Variants in KAZN observed in about 807,000 individuals in gnomAD.
KAZN encodes kazrin, periplakin interacting protein.
In KAZN, 40 loss-of-function variants were observed where a neutral mutation model predicts 87.4. That is an observed-to-expected ratio of 0.46 (90% confidence interval 0.36 to 0.60). KAZN has a LOEUF of 0.60. KAZN is among the 20% of genes least tolerant of loss of function. KAZN has a pLI of 0.00. For missense variants in KAZN, 898 were observed against 1,073.9 expected (o/e 0.84, Z 2.29); for synonymous variants, 466 against 458.3 (o/e 1.02, Z -0.22).
chr1:14,951,698 G>A (rs1474177179), intron 1 of KAZN, among the ~76,000 whole-genome samples: 1 of 151,878 alleles, frequency 6.6e-6, no homozygotes, highest in Non-Finnish European at 1.5e-5. Flanking sequence ...GGCTGACCTC[G>A]AACTCCTGAC....
At chr1:14,931,886 A>G (rs1400260093) in intron 1 of KAZN, among the ~76,000 whole-genome samples, 1 of 151,988 alleles carries the variant, frequency 6.6e-6, no homozygotes, top group Non-Finnish European at 1.5e-5. Context: ...TCTAAGTTAA[A>G]TCTCGCTTTT....
intron 2 of KAZN, among the ~76,000 whole-genome samples, chr1:14,984,579 A>G (rs577541453): frequency 2.6e-5 from 4 of 152,178 alleles, no homozygotes; most frequent in Admixed American, 1.3e-4. Context: ...GCAAGAAGCC[A>G]TGTCCCCCTG....
At chr1:14,848,104 G>A (rs1316486993) in intron 1 of KAZN, among the ~76,000 whole-genome samples, 1 of 152,200 alleles carries the variant, frequency 6.6e-6, no homozygotes, top group African/African-American at 2.4e-5. Context: ...CAAGGGAGCG[G>A]CTCCCCACCT....
chr1:14,058,911 A>G (rs1204094309), intron 1 of KAZN, among the ~76,000 whole-genome samples: 1 of 152,216 alleles, frequency 6.6e-6, no homozygotes. Flanking sequence ...AGGTTTTGGC[A>G]TATTCAAAGA....
chr1:13,896,613 A>G (rs1214431354), intron 1 of KAZN, among the ~76,000 whole-genome samples: 2 of 152,074 alleles, frequency 1.3e-5, no homozygotes, highest in Non-Finnish European at 2.9e-5. Context: ...TAAAAATCCT[A>G]CCCAATTTCC....
At chr1:14,164,741 T>C (rs1020309140) in intron 1 of KAZN, among the ~76,000 whole-genome samples, 11 of 152,014 alleles carry the variant, frequency 7.2e-5, no homozygotes, top group African/African-American at 2.7e-4. Flanking sequence ...GGTTTCTCCA[T>C]GTTGGTCAGG....
intron 1 of KAZN, among the ~76,000 whole-genome samples, chr1:13,989,682 G>A (rs1461482251): frequency 6.6e-6 from 1 of 152,126 alleles, no homozygotes; most frequent in Non-Finnish European, 1.5e-5. Flanking sequence ...GTACTAGCGG[G>A]AGCTTACATT....
At chr1:14,366,194 A>G (rs1557666312) in intron 2 of KAZN, among the ~76,000 whole-genome samples, 1 of 152,340 alleles carries the variant, frequency 6.6e-6, no homozygotes, top group South Asian at 2.1e-4. Context: ...GATATTCATA[A>G]AAGTCTGTGG....
chr1:14,533,908 T>C (rs1376945016), intron 2 of KAZN, among the ~76,000 whole-genome samples: 20 of 152,210 alleles, frequency 1.3e-4, no homozygotes, highest in Non-Finnish European at 1.5e-5. Flanking sequence ...TCTGAGGGAT[T>C]ATTATCCAAA....
At chr1:14,132,617 G>A (rs192386295) in intron 1 of KAZN, among the ~76,000 whole-genome samples, 1 of 152,342 alleles carries the variant, frequency 6.6e-6, no homozygotes, top group East Asian at 1.9e-4. Flanking sequence ...AAGAATGCAT[G>A]CTGGAGAGCA....
chr1:14,045,974 A>G (rs1197302064), intron 1 of KAZN, among the ~76,000 whole-genome samples: 1 of 152,206 alleles, frequency 6.6e-6, no homozygotes, highest in Non-Finnish European at 1.5e-5. Flanking sequence ...TACAATTGAA[A>G]GAGAGCTTGG....
At chr1:14,675,354 C>T (rs752000666) in intron 1 of KAZN, among the ~76,000 whole-genome samples, 20 of 152,230 alleles carry the variant, frequency 1.3e-4, no homozygotes, top group Non-Finnish European at 2.9e-4. Context: ...CAGGGCAACC[C>T]TCAGACATCT....
chr1:14,899,554 G>A (rs1365225331), intron 1 of KAZN, among the ~76,000 whole-genome samples: 2 of 152,194 alleles, frequency 1.3e-5, no homozygotes, highest in Admixed American at 1.3e-4. Flanking sequence ...CATTTTGTCT[G>A]CATATCTGAC....
intron 1 of KAZN, among the ~76,000 whole-genome samples, chr1:14,663,187 G>A (rs566149370): frequency 6.6e-6 from 1 of 152,056 alleles, no homozygotes; most frequent in Admixed American, 6.5e-5. Context: ...ATGTTGTCCA[G>A]GCTGATCTCA....
intron 2 of KAZN, among the ~76,000 whole-genome samples, chr1:14,321,377 C>T (rs1417775911): frequency 1.3e-5 from 2 of 152,142 alleles, no homozygotes; most frequent in Non-Finnish European, 2.9e-5. Context: ...GCCCAGTCTC[C>T]TCTATATCCA....
intron 1 of KAZN, among the ~76,000 whole-genome samples, chr1:14,868,044 G>A (rs1009115146): frequency 1.3e-5 from 1 of 75,660 alleles, no homozygotes; most frequent in African/African-American, 3.7e-5. Context: ...CGCATAGCAT[G>A]GCATCACATA....
chr1:15,016,615 A>G (rs1455057610), intron 2 of KAZN, among the ~76,000 whole-genome samples: 1 of 152,106 alleles, frequency 6.6e-6, no homozygotes, highest in Non-Finnish European at 1.5e-5. Flanking sequence ...AAGCCCTCAG[A>G]TTGTGGCAAT....
chr1:14,711,331 A>T (rs1642474105), intron 1 of KAZN, among the ~76,000 whole-genome samples: 1 of 146,780 alleles, frequency 6.8e-6, no homozygotes, highest in Non-Finnish European at 1.5e-5. Context: ...ATATAGAAAG[A>T]CTCTGTTTCC....
In KAZN at chr1:14,323,187, C is replaced by T. The variant is rs576430997; in HGVS notation, c.249+142595C>T. Among the ~76,000 whole-genome samples, 46 of 152,154 alleles carry T rather than the reference C, an allele frequency of 3.0e-4. 1 individual carries two copies. Among genetic ancestry groups the T allele is most frequent in the South Asian group, 2.1e-3 (10 of 4,820 alleles). ...ATTCAAGATGAGATTAGGGTGGGGA[C>T]GCAAAACCTAACCATATCACCACAC... On this transcript the variant is annotated intron_variant, in intron 2 of 16. Transcript: ENST00000636203.
Sources: allele counts gnomAD v4.1 joint callset (sites outside exome capture counted in the v4.1 genomes callset), GRCh38; gene constraint gnomAD v4.1.1; transcripts MANE v1.5; gene names NCBI Gene and HGNC (gene_info 2026-07-23, HGNC 2026-07-21).